The following EPB41 variants were observed in gnomAD, a reference collection of about 807,000 sequenced individuals.
EPB41 encodes the protein erythrocyte membrane protein band 4.1.
Under a neutral mutation model 108.0 loss-of-function variants are expected in EPB41, and 65 were observed. That is an observed-to-expected ratio of 0.60 (90% CI 0.49 to 0.74). The LOEUF is 0.74. Among genes scored for constraint, EPB41 ranks in the 30% least tolerant of loss-of-function variants. The pLI, the probability that EPB41 is intolerant of heterozygous loss-of-function variation, is 0.00. For synonymous variants in EPB41, 336 were observed against 358.9 expected, an observed-to-expected ratio of 0.94 and a Z score of 0.72; for missense variants, 875 against 1,037.0, an observed-to-expected ratio of 0.84 and a Z score of 2.15.
chr1:29,061,037 C>T (rs1646425839), intron 15 of EPB41, among the ~76,000 whole-genome samples: 1 of 151,896 alleles, frequency 6.6e-6, no homozygotes, highest in African/African-American at 2.4e-5. Flanking sequence ...AAAAACAGGC[C>T]TGTGGGTATG....
At chr1:29,079,695 T>C (rs889983859) in intron 16 of EPB41, among the ~76,000 whole-genome samples, 4 of 152,116 alleles carry the variant, frequency 2.6e-5, no homozygotes, top group African/African-American at 9.7e-5. Flanking sequence ...GAAATCTGTT[T>C]TGAAAGTAAT....
rs762850341 is a variant in EPB41 at position 29,115,653 on chromosome 1, A to G, written c.2497-46A>G. 4.0e-6 allele frequency: 6 copies of G among 1,497,558 alleles called. No individual in the cohort carries two copies. Among genetic ancestry groups the G allele is most frequent in the Non-Finnish European group, 4.7e-6 (5 of 1,075,174 alleles). The allele number at this position is 1,497,558 out of a possible 1,614,324, so 92.8% of individuals were successfully genotyped here. On this transcript the variant is annotated intron_variant, in intron 19 of 20. Coordinates refer to ENST00000343067, the MANE Select transcript of EPB41 (RefSeq NM_001376013.1). The surrounding 1 kb of genome is among the most constrained non-coding windows in gnomAD (Gnocchi z 4.4). ...ATGATGACCACTGCCTTCCTTCGCC[A>G]TCAGGCTATTTTCTGCCTCATTGCC...
At chr1:28,932,640 T>C (rs2093808846) in intron 1 of EPB41, among the ~76,000 whole-genome samples, 1 of 152,186 alleles carries the variant, frequency 6.6e-6, no homozygotes. Context: ...AGACTAGATA[T>C]TCTTGTTTTG....
intron 1 of EPB41, among the ~76,000 whole-genome samples, chr1:28,926,059 T>C (rs1392999825): frequency 6.9e-6 from 1 of 144,076 alleles, no homozygotes; most frequent in East Asian, 2.3e-4. Flanking sequence ...AAAAAAAAAT[T>C]ATAGGCCAGA....
chr1:28,895,473 A>C (rs2090567072), intron 1 of EPB41, among the ~76,000 whole-genome samples: 1 of 151,404 alleles, frequency 6.6e-6, no homozygotes, highest in African/African-American at 2.4e-5. Context: ...AAGCCTGCTC[A>C]CTCCAGGGCC....
In EPB41 at chr1:28,993,542, GGTGA is replaced by G. The variant is rs778639972; in HGVS notation, c.681+3_681+6del. ...ACACAGTTTATGAATGTGTTGTGGA[GGTGA>G]GTATGTTTTCATTTCCAACAATCAG... On this transcript the variant is annotated splice_donor_variant and splice_donor_region_variant and intron_variant, in intron 3 of 20. Coordinates refer to ENST00000343067, the MANE Select transcript of EPB41 (RefSeq NM_001376013.1). LOFTEE classifies it high-confidence loss of function. 8 of 1,613,392 alleles carry G rather than the reference GGTGA, an allele frequency of 5.0e-6. No individual in the cohort carries two copies. Among genetic ancestry groups the G allele is most frequent in the Non-Finnish European group, 6.8e-6 (8 of 1,179,632 alleles).
chr1:28,981,405 G>A (rs1372165367), intron 1 of EPB41, among the ~76,000 whole-genome samples: 2 of 152,208 alleles, frequency 1.3e-5, no homozygotes, highest in African/African-American at 4.8e-5. Context: ...TCTGAGGAGA[G>A]CCATGCTCTA....
intron 1 of EPB41, among the ~76,000 whole-genome samples, chr1:28,957,594 G>A (rs562720081): frequency 6.6e-6 from 1 of 152,178 alleles, no homozygotes; most frequent in Non-Finnish European, 1.5e-5. Context: ...TAGTAGAGAC[G>A]AGGTTTCACT....
chr1:28,944,700 C>A (rs1557762800), intron 1 of EPB41, among the ~76,000 whole-genome samples: 4 of 151,854 alleles, frequency 2.6e-5, no homozygotes, highest in African/African-American at 9.7e-5. Context: ...CCACGCCCGG[C>A]TAATTTTTGT....
intron 1 of EPB41, among the ~76,000 whole-genome samples, chr1:28,921,114 C>T (rs537715753): frequency 6.6e-6 from 1 of 152,154 alleles, no homozygotes; most frequent in South Asian, 2.1e-4. Flanking sequence ...GTAACCCATA[C>T]GTGTAATAGA....
At position 28,887,632 on chromosome 1, in the gene EPB41, G is replaced by A. The variant is rs767918210; in HGVS notation, c.-8+422G>A. 2 of 985,234 alleles carry A rather than the reference G, an allele frequency of 2.0e-6. No homozygotes were observed. Among genetic ancestry groups the A allele is most frequent in the East Asian group, 1.1e-4 (1 of 8,774 alleles). The allele number at this position is 985,234 out of a possible 1,614,324, so 61.0% of individuals were successfully genotyped here. Reference sequence around the variant, plus strand: ...GCCGGGCCCGCAGCAGCGCTGGAGCGGGCTGGCGGCTAGCAGCGGGAGGGG... The same window carrying A: ...GCCGGGCCCGCAGCAGCGCTGGAGCAGGCTGGCGGCTAGCAGCGGGAGGGG... On this transcript the variant is annotated intron_variant, in intron 1 of 16. Transcript: ENST00000347529. The surrounding 1 kb of genome is among the most constrained non-coding windows in gnomAD (Gnocchi z 4.9).
intron 7 of EPB41, among the ~76,000 whole-genome samples, chr1:29,022,150 T>A (rs893687759): frequency 6.6e-6 from 1 of 152,152 alleles, no homozygotes; most frequent in Non-Finnish European, 1.5e-5. Flanking sequence ...TGTGTTTTTT[T>A]ATACACATAT....
chr1:29,068,868 C>A (rs1649803112), intron 16 of EPB41: 1 of 1,069,702 alleles, frequency 9.3e-7, no homozygotes, highest in Non-Finnish European at 1.2e-6. Flanking sequence ...CAGAACTGAA[C>A]AACAGCTGCT....
chr1:29,036,770 G>A (rs193143971), intron 10 of EPB41, among the ~76,000 whole-genome samples: 1 of 151,442 alleles, frequency 6.6e-6, no homozygotes, highest in Non-Finnish European at 1.5e-5. Context: ...CCTACTCCTG[G>A]GTTCAAGCAA....
intron 1 of EPB41, among the ~76,000 whole-genome samples, chr1:28,937,569 G>A (rs1486362640): frequency 2.6e-5 from 4 of 151,952 alleles, no homozygotes; most frequent in South Asian, 2.1e-4. Flanking sequence ...TAATTTTTGT[G>A]TTTTTAGTAG....
rs1470866334 is a variant in EPB41, at chr1:29,018,441, A to G, written c.1123A>G (p.Arg375Gly). 1 of 1,613,806 alleles carries G rather than the reference A, an allele frequency of 6.2e-7. No homozygotes were observed. Among genetic ancestry groups the G allele is most frequent in the Non-Finnish European group, 8.5e-7 (1 of 1,179,854 alleles). ...EKVMELHKSYRSMTPAQADLE... is the reference protein window; with the variant it reads ...EKVMELHKSYGSMTPAQADLE... ...GGTCATGGAACTGCATAAGTCATAC[A>G]GGTGAATATGTCTCCAGGGTTTGTT... Residue 375 changes from arginine to glycine, a missense_variant and splice_region_variant, in exon 7 of 21, where the codon AGG becomes GGG. This residue lies in a region of EPB41 where 519 missense variants were observed against 627.3 expected (regional missense o/e 0.83). Coordinates refer to ENST00000343067, the MANE Select transcript of EPB41 (RefSeq NM_001376013.1). The surrounding 1 kb of genome is among the most constrained non-coding windows in gnomAD (Gnocchi z 4.4).
intron 12 of EPB41, among the ~76,000 whole-genome samples, chr1:29,056,252 AAAC>A (rs1449140083): frequency 6.6e-6 from 1 of 151,790 alleles, no homozygotes; most frequent in Non-Finnish European, 1.5e-5. Context: ...AAAAAACAAA[AAAC>A]AACAAAACAA....
At chr1:29,110,165 A>G (rs901919127) in intron 18 of EPB41, among the ~76,000 whole-genome samples, 1 of 136,566 alleles carries the variant, frequency 7.3e-6, no homozygotes, top group African/African-American at 2.7e-5. Context: ...GTGAAACCTC[A>G]TCTGTACAAA....
intron 2 of EPB41, 40 bp from the exon 3 acceptor site, chr1:28,993,290 A>G: frequency 1.3e-6 from 2 of 1,525,662 alleles, no homozygotes; most frequent in Non-Finnish European, 1.8e-6. Flanking sequence ...GTTTTGTGAA[A>G]TGTGTTTATT....
Sources: gnomAD v4.1 joint callset for allele counts (sites outside exome capture counted in the v4.1 genomes callset) on GRCh38, gnomAD v4.1.1 for gene constraint, gnomAD v4.1.1 regional missense constraint, Gnocchi (gnomAD v3.1) non-coding constraint, MANE v1.5 for transcripts, NCBI Gene and HGNC (gene_info 2026-07-23, HGNC 2026-07-21) for gene names.